MIGA1: variants seen among roughly 807,000 people sequenced by gnomAD.
MIGA1 encodes the protein mitoguardin 1.
Under a neutral mutation model 82.0 loss-of-function variants are expected in MIGA1, and 58 were observed. The ratio of observed to expected loss-of-function variants is 0.71; its 90% CI spans 0.57 to 0.88. The LOEUF (loss-of-function observed/expected upper bound fraction) is 0.88. Ranked by LOEUF, MIGA1 falls within the 40% of genes least tolerant of loss-of-function variation. MIGA1 has a pLI of 0.00. For synonymous variants in MIGA1, 249 were observed against 253.6 expected (o/e 0.98, Z 0.17); for missense variants, 751 against 749.1 (o/e 1.00, Z -0.03).
At chr1:77,856,008 A>G (rs773564078) in intron 8 of MIGA1, among the ~76,000 whole-genome samples, 1 of 152,004 alleles carries the variant, frequency 6.6e-6, no homozygotes, top group Non-Finnish European at 1.5e-5. Context: ...TTCCCCATTC[A>G]GTATTATGTT....
chr1:77,849,975 T>C (rs370635896), intron 8 of MIGA1, among the ~76,000 whole-genome samples: 1 of 150,018 alleles, frequency 6.7e-6, no homozygotes, highest in South Asian at 2.1e-4. Flanking sequence ...GCAGAGGTTG[T>C]AGTGAGCCAA....
chr1:77,855,829 T>G (rs1685232411), intron 8 of MIGA1, among the ~76,000 whole-genome samples: 1 of 152,018 alleles, frequency 6.6e-6, no homozygotes, highest in African/African-American at 2.4e-5. Context: ...ACGATCATAT[T>G]GACAGCAAAC....
At chr1:77,796,095 A>G (rs1032597887) in intron 2 of MIGA1, among the ~76,000 whole-genome samples, 22 of 151,584 alleles carry the variant, frequency 1.5e-4, no homozygotes, top group Admixed American at 4.6e-4. Flanking sequence ...TTGCACCCCA[A>G]TACTCCTCTT....
Position 77,799,763 on chromosome 1 carries a change from T to G in MIGA1, c.196-1568T>G, listed in dbSNP as rs372631154. ...CCTTTGTGAGGTCTGCAGTAATGAC[T>G]CCTCCTCTTTTTTTTCTGATTTTGG... On this transcript the variant is annotated intron_variant, in intron 2 of 15. Coordinates refer to ENST00000370791, the MANE Select transcript of MIGA1 (RefSeq NM_198549.4). 2.0e-4 allele frequency among the ~76,000 whole-genome samples: 31 copies of G among 152,090 alleles called. No individual in the cohort carries two copies. In the East Asian group the frequency reaches 5.4e-3, roughly 27 times the overall value.
At chr1:77,805,325 G>T (rs188462116) in intron 4 of MIGA1, among the ~76,000 whole-genome samples, 17 of 151,882 alleles carry the variant, frequency 1.1e-4, no homozygotes, top group African/African-American at 4.1e-4. Flanking sequence ...GGAATATATA[G>T]CTGCCCTATT....
At position 77,783,446 on chromosome 1, in the gene MIGA1, A is replaced by G. The variant is rs1313723120; in HGVS notation, c.195+95A>G. On this transcript the variant is annotated intron_variant, in intron 2 of 15. Coordinates refer to ENST00000370791, the MANE Select transcript of MIGA1 (RefSeq NM_198549.4). ...TTTCAGTTTTATTTGAGGTTTCTAT[A>G]TAGTACAGTCAAAATATTTATTACA... 12 of 604,296 alleles carry G rather than the reference A, an allele frequency of 2.0e-5. No homozygotes were observed. The East Asian group carries it at 2.1e-4, about 11-fold the overall frequency. The allele number at this position is 604,296 out of a possible 1,614,324, so 37.4% of individuals were successfully genotyped here.
intron 12 of MIGA1, 135 bp downstream of exon 12, chr1:77,861,457 G>A (rs1023467712): frequency 8.6e-5 from 54 of 627,162 alleles, no homozygotes; most frequent in African/African-American, 5.8e-4. Flanking sequence ...TTTTTCTGAC[G>A]AAGTCATAAA....
At chr1:77,851,747 C>T (rs1267402913) in intron 8 of MIGA1, among the ~76,000 whole-genome samples, 1 of 152,094 alleles carries the variant, frequency 6.6e-6, no homozygotes, top group Non-Finnish European at 1.5e-5. Context: ...ACCAAACCAA[C>T]AAATAAGCAA....
intron 2 of MIGA1, among the ~76,000 whole-genome samples, chr1:77,790,305 C>T (rs924919966): frequency 3.3e-5 from 5 of 152,134 alleles, no homozygotes; most frequent in African/African-American, 1.2e-4. Flanking sequence ...TTGTCTCTGT[C>T]CTCCAGGCTG....
At chr1:77,831,380 T>G (rs1684239850) in intron 7 of MIGA1, among the ~76,000 whole-genome samples, 1 of 152,154 alleles carries the variant, frequency 6.6e-6, no homozygotes, top group Admixed American at 6.6e-5. Context: ...AATGTTTGTT[T>G]TATTATTTTG....
At chr1:77,793,941 C>T (rs937583694) in intron 2 of MIGA1, among the ~76,000 whole-genome samples, 15 of 151,394 alleles carry the variant, frequency 9.9e-5, no homozygotes, top group African/African-American at 3.6e-4. Context: ...TGAGCACCAC[C>T]GCACCTGGCT....
At chr1:77,801,271 C>A in intron 2 of MIGA1, 60 bp from the exon 3 acceptor site, 1 of 1,252,692 alleles carries the variant, frequency 8.0e-7, no homozygotes, top group African/African-American at 1.5e-5. Context: ...GTTATTAGGT[C>A]CTTCTTTTAA....
intron 7 of MIGA1, among the ~76,000 whole-genome samples, chr1:77,837,388 G>A (rs1186002451): frequency 6.6e-6 from 1 of 152,130 alleles, no homozygotes; most frequent in Non-Finnish European, 1.5e-5. Context: ...GGGCTCCGTA[G>A]TTTATAGCAT....
In MIGA1 at chr1:77,804,158, G is replaced by C. The variant is rs575277443; in HGVS notation, c.510+752G>C. ...CAGCCAGACTTTGTGCTGGGTCACAGTAATCACTTGATGAGCCTACATAGG... is the reference window on the plus strand; with the variant it reads ...CAGCCAGACTTTGTGCTGGGTCACACTAATCACTTGATGAGCCTACATAGG... On this transcript the variant is annotated intron_variant, in intron 4 of 15. Transcript: ENST00000370791. 7.2e-5 allele frequency among the ~76,000 whole-genome samples: 11 copies of C among 152,308 alleles called. No individual in the cohort carries two copies. The South Asian group carries it at 2.3e-3, about 32-fold the overall frequency.
chr1:77,843,710 A>G (rs998303935), intron 8 of MIGA1, among the ~76,000 whole-genome samples: 7 of 152,180 alleles, frequency 4.6e-5, no homozygotes, highest in African/African-American at 9.6e-5. Flanking sequence ...TTATATCAAG[A>G]GTCTTAAAGA....
chr1:77,803,522 G>A (rs7525870), intron 4 of MIGA1, 116 bp downstream of exon 4: 110,724 of 439,202 alleles, frequency 0.25, 14,637 homozygotes, highest in East Asian at 0.43. Context: ...TTAAGAAATC[G>A]TCTGAATGTG....
At chr1:77,847,134 G>A (rs1684873920) in intron 8 of MIGA1, 1 of 1,061,170 alleles carries the variant, frequency 9.4e-7, no homozygotes, top group African/African-American at 1.6e-5. Context: ...GGCAGTATGG[G>A]TTTATTTTGC....
chr1:77,843,960 T>C (rs945290865), intron 8 of MIGA1, among the ~76,000 whole-genome samples: 1 of 151,116 alleles, frequency 6.6e-6, no homozygotes, highest in African/African-American at 2.4e-5. Context: ...ATTAACCAGA[T>C]GTGGTAGTGA....
intron 7 of MIGA1, among the ~76,000 whole-genome samples, chr1:77,826,286 T>TA (rs1557914349): frequency 1.3e-5 from 2 of 152,096 alleles, no homozygotes; most frequent in East Asian, 1.9e-4. Context: ...TTTGGTAAAG[T>TA]AAAAAAAGGT....
Sources: allele counts gnomAD v4.1 joint callset (sites outside exome capture counted in the v4.1 genomes callset), GRCh38; gene constraint gnomAD v4.1.1; transcripts MANE v1.5; gene names NCBI Gene and HGNC (gene_info 2026-07-23, HGNC 2026-07-21).